Variants in SMG1 observed in about 807,000 individuals in gnomAD.
SMG1 encodes SMG1 nonsense mediated mRNA decay associated PI3K related kinase.
A neutral mutation model predicts 419.9 loss-of-function variants in SMG1; 22 were observed. The ratio of observed to expected loss-of-function variants is 0.05; its 90% CI spans 0.04 to 0.07. The LOEUF (loss-of-function observed/expected upper bound fraction) is 0.07. Ranked by LOEUF, SMG1 falls within the 10% of genes least tolerant of loss-of-function variation. The pLI is 1.00. For missense variants in SMG1, 3,185 were observed against 4,342.0 expected (o/e 0.73, Z 7.49); for synonymous variants, 1,538 against 1,553.5 (o/e 0.99, Z 0.23).
intron 29 of SMG1, among the ~76,000 whole-genome samples, chr16:18,855,740 C>T (rs2034863628): frequency 6.6e-6 from 1 of 152,178 alleles, no homozygotes; most frequent in African/African-American, 2.4e-5. Flanking sequence ...TTAGCAGAGA[C>T]TTCAGCATAA....
chr16:18,880,936 G>A (rs1396627957), intron 10 of SMG1, among the ~76,000 whole-genome samples: 1 of 148,772 alleles, frequency 6.7e-6, no homozygotes, highest in African/African-American at 2.5e-5. Context: ...AGACTGCACT[G>A]AGTCGTGATG....
intron 38 of SMG1, among the ~76,000 whole-genome samples, chr16:18,846,199 GA>G (rs2141343210): frequency 6.6e-6 from 1 of 152,246 alleles, no homozygotes; most frequent in South Asian, 2.1e-4. Context: ...AGGAAAATGT[GA>G]TATCAACATG....
intron 13 of SMG1, among the ~76,000 whole-genome samples, chr16:18,874,560 TAAAA>T (rs531685275): frequency 1.8e-5 from 2 of 110,676 alleles, no homozygotes; most frequent in Non-Finnish European, 3.7e-5. Context: ...TCGAATTACT[TAAAA>T]AAAAAAAAAA....
chr16:18,863,882 A>C (rs760644731), intron 24 of SMG1, 31 bp from the exon 25 acceptor site: 2 of 1,590,310 alleles, frequency 1.3e-6, no homozygotes, highest in South Asian at 1.1e-5. Context: ...AAGAAGAGAG[A>C]GATTCAGATC....
At chr16:18,913,793 G>C (rs1402859083) in intron 1 of SMG1, among the ~76,000 whole-genome samples, 1 of 151,902 alleles carries the variant, frequency 6.6e-6, no homozygotes, top group Non-Finnish European at 1.5e-5. Flanking sequence ...AAAAAATCTA[G>C]TGTCTCCCCT....
At chr16:18,884,255 A>G in intron 8 of SMG1, 88 bp from the exon 9 acceptor site, 1 of 614,258 alleles carries the variant, frequency 1.6e-6, no homozygotes. Context: ...GGCTTGTTTT[A>G]AGAGGTATCT....
In SMG1 at chr16:18,859,476, C is replaced by A. The variant is rs936503181; in HGVS notation, c.3953+80G>T. On this transcript the variant is annotated intron_variant, in intron 27 of 62. Transcript: ENST00000446231. ...TAGTATTTAGTAATCTAGTAACTCT[C>A]CTTCCAGCCCTCTTCACCCCATGTA... The A allele has an allele frequency of 4.5e-4, 304 of 670,512 alleles. 4 individuals carry two copies. In the East Asian group the frequency reaches 7.2e-3, roughly 16 times the overall value. 41.5% of individuals were successfully genotyped at this position (670,512 alleles called of 1,614,324 possible).
At chr16:18,856,218 A>C (rs926226613) in intron 29 of SMG1, 2 of 152,256 alleles carry the variant, frequency 1.3e-5, no homozygotes, top group African/African-American at 4.8e-5. Flanking sequence ...GCTGGAGTGC[A>C]GTGGCATGAT....
chr16:18,912,387 T>A (rs1432595492), intron 1 of SMG1, among the ~76,000 whole-genome samples: 33 of 151,860 alleles, frequency 2.2e-4, no homozygotes, highest in Admixed American at 2.1e-3. Flanking sequence ...AAAATATAAG[T>A]AAGCAAAGTA....
rs56381713 is a variant in SMG1, at chr16:18,844,570, T to TCACACACACACACACACACACACA, written c.6219+858_6219+859insTGTGTGTGTGTGTGTGTGTGTGTG. Among the ~76,000 whole-genome samples the TCACACACACACACACACACACACA allele has an allele frequency of 7.7e-3, 683 of 88,284 alleles. 26 individuals are homozygous for TCACACACACACACACACACACACA. The highest frequency in any genetic ancestry group is 0.034 in the Middle Eastern group (6 of 176). 57.9% of individuals were successfully genotyped at this position (88,284 alleles called of 152,430 possible). On this transcript the variant is annotated intron_variant, in intron 39 of 62. Transcript: ENST00000446231. ...ACACATAATAAACTTCATCCTTCTC[T>TCACACACACACACACACACACACA]CACACACACACACGGAAACTCGAGT...
At chr16:18,821,221 C>CTTTTTTTTT (rs869238782) in intron 55 of SMG1, among the ~76,000 whole-genome samples, 58 of 35,594 alleles carry the variant, frequency 1.6e-3, no homozygotes, top group Middle Eastern at 0.024. Context: ...TAGTATGTTT[C>CTTTTTTTTT]TTTTTTTTTT....
intron 39 of SMG1, among the ~76,000 whole-genome samples, chr16:18,844,446 C>A (rs1346599999): frequency 1.5e-5 from 1 of 67,840 alleles, no homozygotes; most frequent in African/African-American, 5.9e-5. Flanking sequence ...ACAAAACAAA[C>A]AAACAACACC....
chr16:18,866,581 T>A, intron 23 of SMG1, 40 bp downstream of exon 23: 6 of 1,560,554 alleles, frequency 3.8e-6, no homozygotes, highest in Non-Finnish European at 5.2e-6. Context: ...AACTTAAACA[T>A]AAAGTAATTC....
intron 1 of SMG1, among the ~76,000 whole-genome samples, chr16:18,916,177 A>T (rs1319208317): frequency 6.6e-6 from 1 of 151,518 alleles, no homozygotes; most frequent in Non-Finnish European, 1.5e-5. Context: ...AAGAGAATTC[A>T]ATCTAAAAAG....
chr16:18,840,577 G>A (rs2033858689), intron 41 of SMG1, among the ~76,000 whole-genome samples: 1 of 151,840 alleles, frequency 6.6e-6, no homozygotes, highest in Non-Finnish European at 1.5e-5. Flanking sequence ...TACTGTTCCT[G>A]GCATATATTA....
rs764925574 is a variant in SMG1, at chr16:18,841,729, C to T, written c.6532G>A (p.Ala2178Thr). 1.2e-6 allele frequency: 2 copies of T among 1,613,958 alleles called. No individual in the cohort carries two copies. Among genetic ancestry groups the T allele is most frequent in the South Asian group, 1.1e-5 (1 of 91,080 alleles). ...GGTGTTTCTTGGCGATTAATTGTAG[C>T]AAACATGGTATTCACAATAGATAGG... ...QFLSIVNTMF[A>T]TINRQETPRF... The change falls in exon 41 of 63, where the codon GCT becomes ACT. Residue 2178 changes from alanine to threonine, a missense_variant. Ala to Thr is a moderately conservative substitution (Grantham distance 58). This residue lies in a region of SMG1 where 35 missense variants were observed against 33.8 expected (regional missense o/e 1.04). Coordinates refer to ENST00000446231, the MANE Select transcript of SMG1 (RefSeq NM_015092.5).
At chr16:18,924,787 G>A (rs1191692629) in intron 1 of SMG1, 1 of 152,142 alleles carries the variant, frequency 6.6e-6, no homozygotes, top group Non-Finnish European at 1.5e-5. Context: ...AGACTAAGAT[G>A]TGTACCACCT....
In SMG1 at chr16:18,872,361, C is replaced by T. The variant is rs928011671; in HGVS notation, c.2022-16G>A. On this transcript the variant is annotated splice_polypyrimidine_tract_variant and intron_variant, in intron 14 of 62. Transcript: ENST00000446231. ...GTGATCATGCCTGAAAGACAAAGCACAGATTATCTTTTCATCTTTAATCAA... is the reference window on the plus strand; with the variant it reads ...GTGATCATGCCTGAAAGACAAAGCATAGATTATCTTTTCATCTTTAATCAA... 7.7e-6 allele frequency: 12 copies of T among 1,552,140 alleles called. No individual in the cohort carries two copies. The highest frequency in any genetic ancestry group is 2.8e-5 in the African/African-American group (2 of 72,048).
chr16:18,872,988 T>C (rs1567404972), intron 13 of SMG1, among the ~76,000 whole-genome samples: 1 of 151,974 alleles, frequency 6.6e-6, no homozygotes. Context: ...ACCCCATCTC[T>C]ACTAAAATTA....
Sources: allele counts gnomAD v4.1 joint callset (sites outside exome capture counted in the v4.1 genomes callset), GRCh38; gene constraint gnomAD v4.1.1; regional missense constraint gnomAD v4.1.1; transcripts MANE v1.5; gene names NCBI Gene and HGNC (gene_info 2026-07-23, HGNC 2026-07-21).